The following PTPRN2 variants were observed in gnomAD, a reference collection of about 807,000 sequenced individuals.
The protein encoded by PTPRN2 is receptor-type tyrosine-protein phosphatase N2.
A neutral mutation model predicts 118.8 loss-of-function variants in PTPRN2; 74 were observed. That is an observed-to-expected ratio of 0.62 (90% CI 0.52 to 0.76). PTPRN2 has a LOEUF of 0.76. Ranked by LOEUF, PTPRN2 falls within the 30% of genes least tolerant of loss-of-function variation. The probability of loss-of-function intolerance (pLI) is 0.00; values close to 1 mark genes in which losing one functional copy is unlikely to be tolerated. For missense variants in PTPRN2, 1,481 were observed against 1,394.4 expected, an observed-to-expected ratio of 1.06 and a Z score of -0.99; for synonymous variants, 641 against 608.0, an observed-to-expected ratio of 1.05 and a Z score of -0.80.
chr7:158,069,104 C>A (rs1196318684), intron 11 of PTPRN2, among the ~76,000 whole-genome samples: 1 of 152,180 alleles, frequency 6.6e-6, no homozygotes, highest in Non-Finnish European at 1.5e-5. Context: ...TGAAGACAGT[C>A]CAGGGAGGAG....
At chr7:158,284,374 C>T (rs1041721995) in intron 3 of PTPRN2, among the ~76,000 whole-genome samples, 7 of 152,132 alleles carry the variant, frequency 4.6e-5, no homozygotes, top group Non-Finnish European at 7.4e-5. Context: ...AGGCACTCTC[C>T]GAGTCAGTGT....
intron 11 of PTPRN2, among the ~76,000 whole-genome samples, chr7:157,928,784 G>A (rs1799179483): frequency 6.7e-6 from 1 of 149,014 alleles, no homozygotes; most frequent in Admixed American, 6.7e-5. Context: ...CGGGGCAGAT[G>A]GCAGGGCACA....
chr7:158,523,970 G>T (rs866262809), intron 1 of PTPRN2, among the ~76,000 whole-genome samples: 14 of 41,244 alleles, frequency 3.4e-4, no homozygotes, highest in African/African-American at 1.1e-3. Flanking sequence ...GAGTGGAGTC[G>T]GCCCTGGAGT....
chr7:157,811,285 A>C (rs1022771153), intron 12 of PTPRN2, among the ~76,000 whole-genome samples: 2 of 148,090 alleles, frequency 1.4e-5, no homozygotes, highest in East Asian at 2.0e-4. Flanking sequence ...AAAAAAACCC[A>C]AAAAAATAAA....
intron 11 of PTPRN2, among the ~76,000 whole-genome samples, chr7:158,071,355 G>A (rs1464648171): frequency 4.4e-4 from 49 of 112,410 alleles, no homozygotes; most frequent in South Asian, 6.5e-4. Flanking sequence ...GCTCGTGGTG[G>A]TGGAGGTGCT....
At chr7:158,057,023 A>G (rs1167013447) in intron 11 of PTPRN2, among the ~76,000 whole-genome samples, 2 of 152,178 alleles carry the variant, frequency 1.3e-5, no homozygotes, top group Admixed American at 1.3e-4. Flanking sequence ...CAAAAGATGC[A>G]CTAGACCCAC....
In PTPRN2 at chr7:157,603,790, C is replaced by T. The variant is rs909056778; in HGVS notation, c.2418+212G>A. Among the ~76,000 whole-genome samples the T allele has an allele frequency of 6.6e-6, 1 of 152,162 alleles. No individual in the cohort carries two copies. The highest frequency in any genetic ancestry group is 1.5e-5 in the Non-Finnish European group (1 of 68,024). ...ACAAGTCACGGAACCCACCGCCCAG[C>T]GTGAGCCGGGACCCACACGGCTCAT... On this transcript the variant is annotated intron_variant, in intron 16 of 22. Coordinates refer to ENST00000389418, the MANE Select transcript of PTPRN2 (RefSeq NM_002847.5). This position sits in a 1 kb window ranked among gnomAD's most constrained non-coding sequence, Gnocchi z 5.4.
chr7:157,679,071 T>C (rs1216689652), intron 13 of PTPRN2, among the ~76,000 whole-genome samples: 1 of 152,082 alleles, frequency 6.6e-6, no homozygotes, highest in Non-Finnish European at 1.5e-5. Context: ...ACATTATCCT[T>C]AGTGTGTGTG....
intron 6 of PTPRN2, among the ~76,000 whole-genome samples, chr7:158,140,968 C>T (rs554663861): frequency 1.3e-5 from 2 of 152,176 alleles, no homozygotes; most frequent in Admixed American, 6.5e-5. Flanking sequence ...TCTACCTTCC[C>T]GAACGACACC....
At chr7:157,750,718 C>T (rs973594705) in intron 12 of PTPRN2, among the ~76,000 whole-genome samples, 2 of 152,246 alleles carry the variant, frequency 1.3e-5, no homozygotes, top group Admixed American at 6.5e-5. Context: ...GCTCCAGTGT[C>T]GAGTACCCAG....
chr7:157,600,841 A>G (rs1264685519), intron 16 of PTPRN2, among the ~76,000 whole-genome samples: 3 of 152,234 alleles, frequency 2.0e-5, no homozygotes, highest in Non-Finnish European at 2.9e-5. Flanking sequence ...AGTGATTCCC[A>G]TATTTGGCCA....
chr7:158,079,589 TCC>T (rs1408616185), intron 11 of PTPRN2, among the ~76,000 whole-genome samples: 1 of 152,228 alleles, frequency 6.6e-6, no homozygotes, highest in African/African-American at 2.4e-5. Flanking sequence ...GTGGCATTGC[TCC>T]CCAGTACTGG....
chr7:158,555,404 C>T lies in PTPRN2; in HGVS notation c.112+32154G>A, dbSNP rs142611581. Among the ~76,000 whole-genome samples the T allele has an allele frequency of 6.6e-4, 100 of 152,270 alleles. No individual in the cohort carries two copies. Among genetic ancestry groups the T allele is most frequent in the African/African-American group, 2.3e-3 (97 of 41,550 alleles). On this transcript the variant is annotated intron_variant, in intron 1 of 22. Coordinates refer to ENST00000389418, the MANE Select transcript of PTPRN2 (RefSeq NM_002847.5). The surrounding 1 kb of genome is among the most constrained non-coding windows in gnomAD (Gnocchi z 4.7). ...GCATCCACGGCTCAGTGGTGCCCCT[C>T]GCCCCCACCGCTCTGCCCTGCCTTC...
rs896060740 is a variant in PTPRN2, at chr7:157,944,632, G to T, written c.1724-45895C>A. Among the ~76,000 whole-genome samples the T allele has an allele frequency of 2.0e-5, 3 of 152,226 alleles. No individual in the cohort carries two copies. Among genetic ancestry groups the T allele is most frequent in the African/African-American group, 7.2e-5 (3 of 41,470 alleles). On this transcript the variant is annotated intron_variant, in intron 11 of 22. Transcript: ENST00000389418. This position sits in a 1 kb window ranked among gnomAD's most constrained non-coding sequence, Gnocchi z 4.3. Reference sequence around the variant, plus strand: ...AATAGTCTTAAGAGGGTCAAACTATGTCCACAGAGGCTGGAACACCAAAAT... The same window carrying T: ...AATAGTCTTAAGAGGGTCAAACTATTTCCACAGAGGCTGGAACACCAAAAT...
intron 11 of PTPRN2, among the ~76,000 whole-genome samples, chr7:158,067,223 A>G (rs562806136): frequency 6.6e-6 from 1 of 152,320 alleles, no homozygotes; most frequent in Non-Finnish European, 1.5e-5. Flanking sequence ...TTTTCAGCGA[A>G]GCCTCCTCCT....
At chr7:158,408,184 C>T (rs933728358) in intron 2 of PTPRN2, among the ~76,000 whole-genome samples, 6 of 152,206 alleles carry the variant, frequency 3.9e-5, no homozygotes, top group African/African-American at 1.4e-4. Flanking sequence ...TGATCTGAAA[C>T]ACACATGATC....
chr7:157,876,555 G>A (rs997605932), intron 12 of PTPRN2, among the ~76,000 whole-genome samples: 2 of 152,310 alleles, frequency 1.3e-5, no homozygotes, highest in Middle Eastern at 3.4e-3. Flanking sequence ...CCTAGAAGAC[G>A]TTTCTCCCAG....
In PTPRN2 at chr7:157,974,349, A is replaced by G. The variant is rs931966476; in HGVS notation, c.1724-75612T>C. On this transcript the variant is annotated intron_variant, in intron 11 of 22. Transcript: ENST00000389418. The surrounding 1 kb of genome is among the most constrained non-coding windows in gnomAD (Gnocchi z 4.0). ...CGGGGCTCCTCCCCAGCTCACGGGG[A>G]AATCCCCTTTAATTTCAAACAGGGC... Among the ~76,000 whole-genome samples the G allele has an allele frequency of 1.3e-5, 2 of 152,096 alleles. No individual in the cohort carries two copies. The highest frequency in any genetic ancestry group is 1.3e-4 in the Admixed American group (2 of 15,272).
chr7:157,799,218 G>C (rs1440181549), intron 12 of PTPRN2, among the ~76,000 whole-genome samples: 1 of 152,128 alleles, frequency 6.6e-6, no homozygotes, highest in Non-Finnish European at 1.5e-5. Flanking sequence ...GCGTGGGTGG[G>C]AGGTGCTGGA....
Sources: allele counts gnomAD v4.1 joint callset (sites outside exome capture counted in the v4.1 genomes callset), GRCh38; gene constraint gnomAD v4.1.1; non-coding constraint Gnocchi (gnomAD v3.1); transcripts MANE v1.5; gene names NCBI Gene and HGNC (gene_info 2026-07-23, HGNC 2026-07-21).